Variants in GPHN observed in about 807,000 individuals in gnomAD.
The protein encoded by GPHN is gephyrin.
GPHN carries 17 observed loss-of-function variants against 95.5 expected under a neutral mutation model. The ratio of observed to expected loss-of-function variants is 0.18; its 90% confidence interval spans 0.12 to 0.27. The LOEUF is 0.27. Ranked by LOEUF, GPHN falls within the 10% of genes least tolerant of loss-of-function variation. The pLI is 1.00. For synonymous variants in GPHN, 320 were observed against 322.5 expected (o/e 0.99, Z 0.08); for missense variants, 660 against 978.1 (o/e 0.67, Z 4.34).
chr14:66,936,393 G>T (rs937118618), intron 8 of GPHN, among the ~76,000 whole-genome samples: 6 of 151,798 alleles, frequency 4.0e-5, no homozygotes, highest in Non-Finnish European at 5.9e-5. Context: ...AAAAGAAAGA[G>T]AAAGAAATGG....
intron 3 of GPHN, among the ~76,000 whole-genome samples, chr14:66,806,886 C>T (rs1001135757): frequency 2.0e-5 from 3 of 152,210 alleles, no homozygotes; most frequent in Admixed American, 6.5e-5. Context: ...CCAACCCCTA[C>T]CTGTTACCCA....
At chr14:67,291,263 C>G in the GPHN span, among the ~76,000 whole-genome samples, 1 of 150,704 alleles carries the variant, frequency 6.6e-6, no homozygotes, top group East Asian at 2.0e-4. Flanking sequence ...GAGTCTTGCT[C>G]TGTTGCCCAG....
chr14:67,494,649 G>T, the GPHN span, among the ~76,000 whole-genome samples: 4 of 152,216 alleles, frequency 2.6e-5, no homozygotes, highest in African/African-American at 9.6e-5. Flanking sequence ...GTGCTCAGCA[G>T]GTACATCCCA....
At chr14:66,766,204 A>G (rs1444032958) in intron 2 of GPHN, among the ~76,000 whole-genome samples, 2 of 152,182 alleles carry the variant, frequency 1.3e-5, no homozygotes, top group Non-Finnish European at 2.9e-5. Flanking sequence ...CTTAAGATGC[A>G]TATGTATATG....
chr14:66,774,148 G>A (rs1379406485), intron 2 of GPHN, among the ~76,000 whole-genome samples: 3 of 151,454 alleles, frequency 2.0e-5, no homozygotes, highest in African/African-American at 4.9e-5. Flanking sequence ...GACTGCAGGC[G>A]CCCACCACCA....
At chr14:66,621,311 T>A (rs2063289204) in intron 1 of GPHN, among the ~76,000 whole-genome samples, 1 of 151,488 alleles carries the variant, frequency 6.6e-6, no homozygotes, top group African/African-American at 2.4e-5. Flanking sequence ...GAGATGGGAT[T>A]TCACCATGTT....
At chr14:67,453,799 C>T in the GPHN span, among the ~76,000 whole-genome samples, 4 of 152,196 alleles carry the variant, frequency 2.6e-5, no homozygotes, top group African/African-American at 7.2e-5. Context: ...GCTTAGAGCT[C>T]AGCCGTGAGT....
At chr14:67,220,637 A>G in the GPHN span, among the ~76,000 whole-genome samples, 5 of 152,272 alleles carry the variant, frequency 3.3e-5, 2 homozygotes, top group African/African-American at 1.2e-4. Flanking sequence ...TTTTTTTCTC[A>G]TATCTTGACA....
At chr14:67,572,333 G>GA in the GPHN span, 1 of 1,495,380 alleles carries the variant, frequency 6.7e-7, no homozygotes, top group Non-Finnish European at 9.0e-7. Flanking sequence ...AGAGGCTGCT[G>GA]GGGCCCTCAG....
chr14:66,539,450 T>C (rs1303602389), intron 1 of GPHN, among the ~76,000 whole-genome samples: 1 of 146,638 alleles, frequency 6.8e-6, no homozygotes, highest in African/African-American at 2.6e-5. Context: ...GTTTCGCTCT[T>C]GTTGCCCAGG....
chr14:67,710,706 A>AC, the GPHN span, among the ~76,000 whole-genome samples: 1 of 151,068 alleles, frequency 6.6e-6, no homozygotes, highest in African/African-American at 2.4e-5. Context: ...AAAATTTTTC[A>AC]CTTTTTTTTA....
At chr14:66,957,698 G>C (rs1852977327) in intron 8 of GPHN, among the ~76,000 whole-genome samples, 1 of 152,048 alleles carries the variant, frequency 6.6e-6, no homozygotes, top group Non-Finnish European at 1.5e-5. Flanking sequence ...GGTCTAGTTG[G>C]TTTATAGTGT....
intron 16 of GPHN, among the ~76,000 whole-genome samples, chr14:67,119,068 A>G (rs924901769): frequency 1.3e-5 from 2 of 152,178 alleles, no homozygotes; most frequent in African/African-American, 4.8e-5. Context: ...CGGAATTTGT[A>G]AAATAGGTGA....
chr14:66,628,598 C>A (rs1230374154), intron 1 of GPHN, among the ~76,000 whole-genome samples: 1 of 152,144 alleles, frequency 6.6e-6, no homozygotes, highest in East Asian at 1.9e-4. Context: ...CCATACACCA[C>A]TGTAGAGTTT....
At chr14:67,219,416 T>G in the GPHN span, among the ~76,000 whole-genome samples, 1 of 152,184 alleles carries the variant, frequency 6.6e-6, no homozygotes, top group African/African-American at 2.4e-5. Flanking sequence ...TCCAGTGACC[T>G]TCCTTTGACA....
At chr14:67,005,139 T>C (rs1174712263) in intron 9 of GPHN, among the ~76,000 whole-genome samples, 1 of 151,600 alleles carries the variant, frequency 6.6e-6, no homozygotes, top group Non-Finnish European at 1.5e-5. Flanking sequence ...ATTTTGAGTC[T>C]TATGGAATCC....
At chr14:66,724,649 A>T (rs1326193551) in intron 2 of GPHN, among the ~76,000 whole-genome samples, 1 of 152,178 alleles carries the variant, frequency 6.6e-6, no homozygotes, top group Non-Finnish European at 1.5e-5. Context: ...TACCTCTTAC[A>T]TGAGAGTCTT....
chr14:66,719,639 A>G (rs1258244804), intron 2 of GPHN, among the ~76,000 whole-genome samples: 1 of 152,140 alleles, frequency 6.6e-6, no homozygotes, highest in Non-Finnish European at 1.5e-5. Flanking sequence ...CAGAGCTGCC[A>G]TGTAGTCCTG....
At chr14:66,794,172 G>A (rs2060076134) in intron 3 of GPHN, among the ~76,000 whole-genome samples, 2 of 152,092 alleles carry the variant, frequency 1.3e-5, no homozygotes, top group African/African-American at 4.8e-5. Context: ...GGGCCTGGTG[G>A]GAGGTGACTG....
Sources: allele counts gnomAD v4.1 joint callset (sites outside exome capture counted in the v4.1 genomes callset), GRCh38; gene constraint gnomAD v4.1.1; transcripts MANE v1.5; gene names NCBI Gene and HGNC (gene_info 2026-07-23, HGNC 2026-07-21).